Variants in PPP2R2C observed in about 807,000 individuals in gnomAD.
PPP2R2C encodes protein phosphatase 2 regulatory subunit Bgamma.
A neutral mutation model predicts 45.3 loss-of-function variants in PPP2R2C; 10 were observed. That is an observed-to-expected ratio of 0.22 (90% CI 0.14 to 0.37). PPP2R2C has a LOEUF of 0.37. Among genes scored for constraint, PPP2R2C ranks in the 10% least tolerant of loss-of-function variants. The pLI is 1.00. For synonymous variants in PPP2R2C, 257 were observed against 245.4 expected, an observed-to-expected ratio of 1.05 and a Z score of -0.44; for missense variants, 308 against 619.7, an observed-to-expected ratio of 0.50 and a Z score of 5.34.
At chr4:6,418,054 C>T (rs1045625030) in intron 1 of PPP2R2C, among the ~76,000 whole-genome samples, 20 of 152,340 alleles carry the variant, frequency 1.3e-4, no homozygotes, top group Middle Eastern at 3.4e-3. Flanking sequence ...CTGCCCCTCA[C>T]CTTGCCTTGC....
At chr4:6,528,936 C>T (rs543125799) in intron 2 of PPP2R2C, among the ~76,000 whole-genome samples, 3 of 152,332 alleles carry the variant, frequency 2.0e-5, no homozygotes, top group South Asian at 2.1e-4. Context: ...CAGACTCAGC[C>T]GGCCTGCAAC....
At chr4:6,462,662 C>T (rs958812411) in intron 1 of PPP2R2C, among the ~76,000 whole-genome samples, 2 of 152,092 alleles carry the variant, frequency 1.3e-5, no homozygotes, top group Non-Finnish European at 2.9e-5. Flanking sequence ...TGGGGACGTT[C>T]ATAAAATGGA....
chr4:6,539,138 CA>C (rs35717717), intron 1 of PPP2R2C, among the ~76,000 whole-genome samples: 98 of 130,628 alleles, frequency 7.5e-4, no homozygotes, highest in African/African-American at 6.7e-4. Flanking sequence ...GATGTCCTTC[CA>C]AAAAAAAAAA....
intron 6 of PPP2R2C, among the ~76,000 whole-genome samples, chr4:6,343,589 A>T (rs1346568930): frequency 6.6e-6 from 1 of 152,130 alleles, no homozygotes; most frequent in Non-Finnish European, 1.5e-5. Context: ...GCATGGTGGC[A>T]CACACCTGTA....
chr4:6,473,530 C>T (rs1169356958), upstream of PPP2R2C, among the ~76,000 whole-genome samples: 2 of 152,238 alleles, frequency 1.3e-5, no homozygotes, highest in Non-Finnish European at 2.9e-5. Flanking sequence ...TCAACAGAGC[C>T]TTCCTGGAAA....
At chr4:6,555,287 A>T (rs1174159291) in intron 1 of PPP2R2C, among the ~76,000 whole-genome samples, 1 of 152,236 alleles carries the variant, frequency 6.6e-6, no homozygotes, top group African/African-American at 2.4e-5. Context: ...ACCACCACAC[A>T]GCCCCAACAC....
At chr4:6,507,363 T>A (rs985470849) in intron 2 of PPP2R2C, among the ~76,000 whole-genome samples, 4 of 152,234 alleles carry the variant, frequency 2.6e-5, no homozygotes, top group African/African-American at 9.6e-5. Context: ...AATGTACTGA[T>A]GCTGCAGCAA....
At chr4:6,336,256 A>G (rs1732837469) in intron 6 of PPP2R2C, among the ~76,000 whole-genome samples, 1 of 149,584 alleles carries the variant, frequency 6.7e-6, no homozygotes, top group Non-Finnish European at 1.5e-5. Context: ...ATCTCCCTCC[A>G]TCGTTCACAG....
At chr4:6,556,795 C>A (rs988089524) in intron 1 of PPP2R2C, among the ~76,000 whole-genome samples, 2 of 152,108 alleles carry the variant, frequency 1.3e-5, no homozygotes, top group Non-Finnish European at 2.9e-5. Context: ...GGAGAATCTG[C>A]AAGCATCTCT....
chr4:6,511,109 T>C (rs1723434165), intron 2 of PPP2R2C, among the ~76,000 whole-genome samples: 1 of 152,244 alleles, frequency 6.6e-6, no homozygotes, highest in Admixed American at 6.5e-5. Flanking sequence ...TCTTAATTTC[T>C]TCATCTGTAA....
At position 6,328,043 on chromosome 4, in the gene PPP2R2C, G is replaced by A. The variant is rs567194470; in HGVS notation, c.1052+1219C>T. 6.3e-4 allele frequency among the ~76,000 whole-genome samples: 96 copies of A among 152,216 alleles called. 1 individual carries two copies. Among genetic ancestry groups the A allele is most frequent in the African/African-American group, 2.3e-3 (95 of 41,536 alleles). ...ATGCCCAGAGCCACAGAGAGTCATA[G>A]TGCGGCAGCTCTCACATGACCACCA... On this transcript the variant is annotated intron_variant, in intron 8 of 8. Coordinates refer to ENST00000382599, the MANE Select transcript of PPP2R2C (RefSeq NM_020416.4). The surrounding 1 kb of genome is among the most constrained non-coding windows in gnomAD (Gnocchi z 4.4).
At chr4:6,496,432 T>C (rs928619739) in intron 2 of PPP2R2C, among the ~76,000 whole-genome samples, 4 of 152,162 alleles carry the variant, frequency 2.6e-5, no homozygotes, top group Admixed American at 1.3e-4. Context: ...CATCCTTGCA[T>C]TTCCAGTGAA....
At chr4:6,396,767 G>A (rs545112017) in intron 1 of PPP2R2C, among the ~76,000 whole-genome samples, 66 of 152,378 alleles carry the variant, frequency 4.3e-4, no homozygotes, top group Non-Finnish European at 2.9e-4. Flanking sequence ...TCAGGTCTTC[G>A]GGTTGGGGCT....
At chr4:6,333,505 G>GA in intron 7 of PPP2R2C, 57 bp downstream of exon 7, 3 of 1,576,046 alleles carry the variant, frequency 1.9e-6, no homozygotes, top group Non-Finnish European at 1.7e-6. Context: ...CCTCCATGGG[G>GA]ATCTCAGCAT....
intron 1 of PPP2R2C, among the ~76,000 whole-genome samples, chr4:6,544,540 T>C (rs367882032): frequency 2.0e-4 from 30 of 152,210 alleles, no homozygotes; most frequent in African/African-American, 7.2e-4. Context: ...TCTCACTATG[T>C]TGCCCAGGCT....
chr4:6,388,096 T>G (rs1041659562), intron 1 of PPP2R2C, among the ~76,000 whole-genome samples: 1 of 152,206 alleles, frequency 6.6e-6, no homozygotes, highest in Non-Finnish European at 1.5e-5. Context: ...CAAGTCACTC[T>G]GTGTGGGTGA....
At chr4:6,334,180 C>G (rs1242295564) in intron 6 of PPP2R2C, among the ~76,000 whole-genome samples, 1 of 152,172 alleles carries the variant, frequency 6.6e-6, no homozygotes, top group East Asian at 1.9e-4. Flanking sequence ...GCCCTGGGAC[C>G]TTGGGCCAGT....
At chr4:6,390,654 G>T (rs1716559507) in intron 1 of PPP2R2C, among the ~76,000 whole-genome samples, 1 of 152,218 alleles carries the variant, frequency 6.6e-6, no homozygotes, top group Admixed American at 6.5e-5. Context: ...CTCTCCAAGG[G>T]CGATCAGAAA....
At chr4:6,444,190 G>A (rs950422777) in intron 1 of PPP2R2C, among the ~76,000 whole-genome samples, 1 of 152,236 alleles carries the variant, frequency 6.6e-6, no homozygotes, top group Admixed American at 6.5e-5. Context: ...GCCTAACATG[G>A]CTAGAGGCAG....
Sources: gnomAD v4.1 joint callset for allele counts (sites outside exome capture counted in the v4.1 genomes callset) on GRCh38, gnomAD v4.1.1 for gene constraint, Gnocchi (gnomAD v3.1) non-coding constraint, MANE v1.5 for transcripts, NCBI Gene and HGNC (gene_info 2026-07-23, HGNC 2026-07-21) for gene names.